Variants in ZNF333 observed in about 807,000 individuals in gnomAD.
ZNF333 encodes zinc finger protein 333.
A neutral mutation model predicts 76.1 loss-of-function variants in ZNF333; 61 were observed. The observed-to-expected ratio is 0.80, with a 90% CI of 0.65 to 0.99. ZNF333 has a LOEUF of 0.99. Ranked by LOEUF, ZNF333 falls within the 50% of genes least tolerant of loss-of-function variation. ZNF333 has a pLI of 0.00. For missense variants in ZNF333, 717 were observed against 822.4 expected (o/e 0.87, Z 1.57); for synonymous variants, 284 against 305.0 (o/e 0.93, Z 0.72).
chr19:14,698,536 C>A (rs1011981210), intron 4 of ZNF333, among the ~76,000 whole-genome samples: 2 of 151,024 alleles, frequency 1.3e-5, no homozygotes, highest in African/African-American at 4.9e-5. Flanking sequence ...CAGAGTGAGA[C>A]CCTATCTCAA....
intron 5 of ZNF333, 98 bp from the exon 6 acceptor site, chr19:14,704,956 C>A: frequency 8.4e-7 from 1 of 1,191,220 alleles, no homozygotes; most frequent in Non-Finnish European, 1.2e-6. Context: ...TTTGCCTTGA[C>A]TTCTGGCAGC....
chr19:14,706,656 C>G (rs966034504), intron 6 of ZNF333, 30 bp from the exon 7 acceptor site: 14 of 1,603,896 alleles, frequency 8.7e-6, no homozygotes, highest in African/African-American at 1.3e-5. Context: ...CTTCTTGACT[C>G]TAATCTGTGA....
intron 11 of ZNF333, among the ~76,000 whole-genome samples, chr19:14,727,902 C>T (rs2042643520): frequency 6.6e-6 from 1 of 152,162 alleles, no homozygotes; most frequent in Non-Finnish European, 1.5e-5. Context: ...CCTTGGAATT[C>T]AGAGTTTATA....
intron 9 of ZNF333, among the ~76,000 whole-genome samples, chr19:14,716,540 T>A (rs564467481): frequency 6.6e-6 from 1 of 152,308 alleles, no homozygotes; most frequent in South Asian, 2.1e-4. Flanking sequence ...ATTGCAGACA[T>A]GAGCCACTGT....
At position 14,718,688 on chromosome 19, in the gene ZNF333, A is replaced by G. The variant is rs1380834436; in HGVS notation, c.1361A>G (p.Asp454Gly). The G allele has an allele frequency of 6.2e-7, 1 of 1,613,964 alleles. No homozygotes were observed. Among genetic ancestry groups the G allele is most frequent in the Non-Finnish European group, 8.5e-7 (1 of 1,180,028 alleles). The change falls in exon 12 of 12, where the codon GAT becomes GGT. Residue 454 changes from aspartate to glycine, a missense_variant. Transcript: ENST00000292530. Reference protein sequence around the residue: ...HTGEKPYECKDCGKAFNQPSS... With the variant: ...HTGEKPYECKGCGKAFNQPSS... Reference sequence around the variant, plus strand: ...GGAGAGAAGCCCTACGAGTGTAAAGATTGTGGGAAAGCCTTCAATCAGCCA... The same window carrying G: ...GGAGAGAAGCCCTACGAGTGTAAAGGTTGTGGGAAAGCCTTCAATCAGCCA...
At chr19:14,711,185 C>G (rs2042264286) in intron 7 of ZNF333, among the ~76,000 whole-genome samples, 1 of 152,140 alleles carries the variant, frequency 6.6e-6, no homozygotes, top group Non-Finnish European at 1.5e-5. Flanking sequence ...TCCAGACTTT[C>G]AGAAGGAAAG....
chr19:14,711,390 G>T (rs1370762205), intron 7 of ZNF333, among the ~76,000 whole-genome samples: 1 of 152,132 alleles, frequency 6.6e-6, no homozygotes, highest in African/African-American at 2.4e-5. Flanking sequence ...CAGTAGGGAA[G>T]TGAGGAATGA....
At chr19:14,699,415 G>T in intron 5 of ZNF333, 134 bp downstream of exon 5, 1 of 764,344 alleles carries the variant, frequency 1.3e-6, no homozygotes. Flanking sequence ...GTGTCTGAGG[G>T]GAGTGCCTGT....
chr19:14,715,038 CGTGTGT>C (rs5827254), intron 7 of ZNF333: 1,053 of 169,556 alleles, frequency 6.2e-3, no homozygotes, highest in South Asian at 0.034. Context: ...TGAAGGCGTG[CGTGTGT>C]GTGTGTGTGT....
At chr19:14,703,345 C>CA in intron 5 of ZNF333, among the ~76,000 whole-genome samples, 1 of 152,176 alleles carries the variant, frequency 6.6e-6, no homozygotes, top group Non-Finnish European at 1.5e-5. Flanking sequence ...ATGGGAACTA[C>CA]AATTCAAGAT....
chr19:14,718,927 T>C lies in ZNF333; in HGVS notation c.1600T>C (p.Tyr534His). The C allele has an allele frequency of 2.5e-6, 4 of 1,614,032 alleles. No homozygotes were observed. Among genetic ancestry groups the C allele is most frequent in the Non-Finnish European group, 3.4e-6 (4 of 1,179,970 alleles). Residue 534 changes from tyrosine (Y) to histidine (H), a missense_variant, in exon 12 of 12, where the codon TAT becomes CAT. Tyr to His is a moderately conservative substitution (Grantham distance 83). Coordinates refer to ENST00000292530, the MANE Select transcript of ZNF333 (RefSeq NM_032433.4). ...GAGGATACACACAGGGGAGAAACTG[T>C]ATGAGTGCGCGACTTGCGGTCAGGT... ...HKRIHTGEKL[Y>H]ECATCGQVLS...
At chr19:14,718,179 C>T in intron 11 of ZNF333, 49 bp from the exon 12 acceptor site, 1 of 1,550,042 alleles carries the variant, frequency 6.5e-7, no homozygotes, top group Non-Finnish European at 8.7e-7. Flanking sequence ...GGGAGAATAT[C>T]TGTGAATCTA....
intron 8 of ZNF333, 51 bp downstream of exon 8, chr19:14,715,521 G>C (rs2042405581): frequency 1.3e-6 from 2 of 1,553,242 alleles, no homozygotes; most frequent in East Asian, 2.3e-5. Context: ...CCAAAGGCTG[G>C]ACTTACCTTC....
chr19:14,727,230 G>C (rs1020624051), intron 11 of ZNF333, among the ~76,000 whole-genome samples: 1 of 151,928 alleles, frequency 6.6e-6, no homozygotes, highest in African/African-American at 2.4e-5. Context: ...GGGTTTCACC[G>C]TGCTAGCCAG....
At chr19:14,728,363 A>G (rs1169695186) in intron 11 of ZNF333, among the ~76,000 whole-genome samples, 1 of 152,184 alleles carries the variant, frequency 6.6e-6, no homozygotes, top group Non-Finnish European at 1.5e-5. Context: ...CTAGGGTGTG[A>G]TGACAGTCTG....
chr19:14,704,116 C>T (rs552232914), intron 5 of ZNF333, among the ~76,000 whole-genome samples: 27 of 152,250 alleles, frequency 1.8e-4, no homozygotes, highest in Admixed American at 1.3e-3. Flanking sequence ...CTGTGCCACA[C>T]CTTTCTATAG....
intron 5 of ZNF333, among the ~76,000 whole-genome samples, chr19:14,704,172 T>C (rs959491361): frequency 3.3e-5 from 5 of 152,086 alleles, no homozygotes; most frequent in African/African-American, 1.2e-4. Flanking sequence ...TAACCTCAGG[T>C]CTGTCTTTGT....
intron 5 of ZNF333, among the ~76,000 whole-genome samples, chr19:14,701,414 A>C (rs1199877858): frequency 6.6e-6 from 1 of 152,092 alleles, no homozygotes; most frequent in Non-Finnish European, 1.5e-5. Context: ...TGATTTTAAA[A>C]AATTGTTTTG....
At chr19:14,733,461 A>G (rs2042697143) in exon 12 of ZNF333, 1 of 152,220 alleles carries the variant, frequency 6.6e-6, no homozygotes, top group Admixed American at 6.5e-5. Context: ...GTGGGCCTTA[A>G]TAAGCACATT....
Sources: gnomAD v4.1 joint callset for allele counts (sites outside exome capture counted in the v4.1 genomes callset) on GRCh38, gnomAD v4.1.1 for gene constraint, MANE v1.5 for transcripts, NCBI Gene and HGNC (gene_info 2026-07-23, HGNC 2026-07-21) for gene names.